JAZF1: variants seen among roughly 807,000 people sequenced by gnomAD.
JAZF1 encodes the protein JAZF zinc finger 1.
A neutral mutation model predicts 26.4 loss-of-function variants in JAZF1; 8 were observed. The observed-to-expected ratio is 0.30, with a 90% confidence interval of 0.18 to 0.55. The LOEUF is 0.55. Among genes scored for constraint, JAZF1 ranks in the 20% least tolerant of loss-of-function variants. JAZF1 has a pLI of 0.94. For synonymous variants in JAZF1, 126 were observed against 122.3 expected, an observed-to-expected ratio of 1.03 and a Z score of -0.20; for missense variants, 199 against 322.0, an observed-to-expected ratio of 0.62 and a Z score of 2.92.
intron 2 of JAZF1, among the ~76,000 whole-genome samples, chr7:27,963,408 T>C (rs2128357730): frequency 6.6e-6 from 1 of 152,356 alleles, no homozygotes; most frequent in East Asian, 1.9e-4. Context: ...AATTCAAAAT[T>C]GCCATGCTTG....
chr7:28,136,178 T>C (rs764793435), intron 1 of JAZF1, among the ~76,000 whole-genome samples: 11 of 152,160 alleles, frequency 7.2e-5, no homozygotes, highest in Admixed American at 1.3e-4. Context: ...CTGCTGAACG[T>C]TGGGTATTTA....
intron 1 of JAZF1, among the ~76,000 whole-genome samples, chr7:28,113,336 G>A (rs1018681029): frequency 6.6e-6 from 1 of 152,104 alleles, no homozygotes; most frequent in Non-Finnish European, 1.5e-5. Context: ...TCCAACCCAC[G>A]TGTCCCGACT....
intron 2 of JAZF1, among the ~76,000 whole-genome samples, chr7:27,903,141 T>C (rs1784194500): frequency 6.6e-6 from 1 of 152,190 alleles, no homozygotes; most frequent in South Asian, 2.1e-4. Context: ...TATTAGGATT[T>C]TAAATACTGC....
intron 2 of JAZF1, among the ~76,000 whole-genome samples, chr7:27,971,988 ACTACTGTGTAACAGTGTACTAC>A (rs1170473498): frequency 5.3e-5 from 8 of 152,326 alleles, no homozygotes; most frequent in South Asian, 4.1e-4. Context: ...TTATTGAGCT[ACTACTGTGTAACAGTGTACTAC>A]CTACTGTGTA....
At chr7:27,927,883 T>G (rs1375564381) in intron 2 of JAZF1, among the ~76,000 whole-genome samples, 1 of 152,154 alleles carries the variant, frequency 6.6e-6, no homozygotes, top group Admixed American at 6.5e-5. Flanking sequence ...CTTCCCCAAA[T>G]CAATTTTCAG....
intron 2 of JAZF1, among the ~76,000 whole-genome samples, chr7:27,938,082 T>A (rs535504830): frequency 2.6e-5 from 4 of 152,368 alleles, no homozygotes; most frequent in Non-Finnish European, 4.4e-5. Context: ...ATATTTTGGT[T>A]ACTTCCATTT....
intron 1 of JAZF1, among the ~76,000 whole-genome samples, chr7:28,005,286 C>T (rs759062653): frequency 6.6e-6 from 1 of 152,072 alleles, no homozygotes; most frequent in African/African-American, 2.4e-5. Flanking sequence ...TCATTATTCA[C>T]CTTGGTAACA....
In JAZF1 at chr7:27,900,091, C is replaced by G. The variant is rs974694993; in HGVS notation, c.189-4675G>C. On this transcript the variant is annotated intron_variant, in intron 2 of 4. Coordinates refer to ENST00000283928, the MANE Select transcript of JAZF1 (RefSeq NM_175061.4). Reference sequence around the variant, plus strand: ...GCAGGGGAGGTCTCTGGAATTGTAGCCCCACTGGGCTACGATCTGGGAAAG... The same window carrying G: ...GCAGGGGAGGTCTCTGGAATTGTAGGCCCACTGGGCTACGATCTGGGAAAG... Among the ~76,000 whole-genome samples the G allele has an allele frequency of 3.3e-5, 5 of 152,236 alleles. No individual in the cohort carries two copies. The East Asian group carries it at 9.7e-4, about 29-fold the overall frequency.
chr7:28,040,691 T>C (rs2128377234), intron 1 of JAZF1, among the ~76,000 whole-genome samples: 1 of 152,198 alleles, frequency 6.6e-6, no homozygotes, highest in Admixed American at 6.5e-5. Flanking sequence ...ATTTTGGACA[T>C]ATGGAGTTTT....
At position 27,840,967 on chromosome 7, in the gene JAZF1, G is replaced by T; in HGVS notation, c.386-100C>A. 7.9e-7 allele frequency: 1 copy of T among 1,263,316 alleles called. No individual in the cohort carries two copies. Among genetic ancestry groups the T allele is most frequent in the Non-Finnish European group, 1.1e-6 (1 of 900,902 alleles). 78.3% of individuals were successfully genotyped at this position (1,263,316 alleles called of 1,614,324 possible). A position where few individuals can be genotyped will look rare whatever the true frequency, so the allele number is the denominator to read the frequency against. ...CAGGAGATGTGGCCGTGGCAGAGCA[G>T]CGCTGACGGCCCAGGGAGAGGGCAC... On this transcript the variant is annotated intron_variant, in intron 3 of 4. Coordinates refer to ENST00000283928, the MANE Select transcript of JAZF1 (RefSeq NM_175061.4). This position sits in a 1 kb window ranked among gnomAD's most constrained non-coding sequence, Gnocchi z 5.1.
rs1785631996 is a variant in JAZF1 at position 27,983,552 on chromosome 7, C to A, written c.188+8357G>T. On this transcript the variant is annotated intron_variant, in intron 2 of 4. Coordinates refer to ENST00000283928, the MANE Select transcript of JAZF1 (RefSeq NM_175061.4). ...CAGGATATTATCCAGGAGAACTTCC[C>A]CAAACTACCAAGGCAGGCCAACATT... is the stretch of plus-strand genomic sequence containing the variant. Among the ~76,000 whole-genome samples, 5 of 152,136 alleles carry A rather than the reference C, an allele frequency of 3.3e-5. No individual in the cohort carries two copies. In the South Asian group the frequency reaches 1.0e-3, roughly 31 times the overall value.
At chr7:27,960,613 G>T (rs1785170541) in intron 2 of JAZF1, among the ~76,000 whole-genome samples, 1 of 152,218 alleles carries the variant, frequency 6.6e-6, no homozygotes, top group Non-Finnish European at 1.5e-5. Flanking sequence ...AGCAGAGAGG[G>T]CTGAGGTTGC....
intron 1 of JAZF1, among the ~76,000 whole-genome samples, chr7:27,996,849 A>G (rs941993850): frequency 6.6e-6 from 1 of 152,230 alleles, no homozygotes; most frequent in African/African-American, 2.4e-5. Context: ...TGCATGTAAG[A>G]GATGCAAAGT....
At chr7:28,037,518 G>A (rs956697096) in intron 1 of JAZF1, among the ~76,000 whole-genome samples, 1 of 152,188 alleles carries the variant, frequency 6.6e-6, no homozygotes, top group African/African-American at 2.4e-5. Context: ...TGAGATCTGA[G>A]TTCTTATTCC....
chr7:27,974,566 T>C (rs1785435394), intron 2 of JAZF1, among the ~76,000 whole-genome samples: 1 of 152,148 alleles, frequency 6.6e-6, no homozygotes, highest in Non-Finnish European at 1.5e-5. Context: ...AAAGATTGCA[T>C]TTGAAGTGGG....
At chr7:27,901,249 G>A (rs919975509) in intron 2 of JAZF1, among the ~76,000 whole-genome samples, 6 of 152,104 alleles carry the variant, frequency 3.9e-5, no homozygotes, top group Non-Finnish European at 7.4e-5. Context: ...ATTTAATATG[G>A]TCATTTGTAG....
At chr7:27,834,643 G>T (rs767895143) in intron 4 of JAZF1, among the ~76,000 whole-genome samples, 4 of 152,208 alleles carry the variant, frequency 2.6e-5, no homozygotes, top group Non-Finnish European at 4.4e-5. Context: ...CAGACCCACT[G>T]AAATGTTAGA....
chr7:28,107,299 C>T (rs1466470279), intron 1 of JAZF1, among the ~76,000 whole-genome samples: 1 of 152,168 alleles, frequency 6.6e-6, no homozygotes, highest in Non-Finnish European at 1.5e-5. Context: ...TTTCAAAAAC[C>T]ATGACCTACT....
intron 3 of JAZF1, among the ~76,000 whole-genome samples, chr7:27,874,303 T>C (rs1445697868): frequency 6.6e-6 from 1 of 152,188 alleles, no homozygotes; most frequent in South Asian, 2.1e-4. Context: ...TAGCAGAACA[T>C]GAGGCTTTTT....
Sources: allele counts gnomAD v4.1 joint callset (sites outside exome capture counted in the v4.1 genomes callset), GRCh38; gene constraint gnomAD v4.1.1; non-coding constraint Gnocchi (gnomAD v3.1); transcripts MANE v1.5; gene names NCBI Gene and HGNC (gene_info 2026-07-23, HGNC 2026-07-21).